Variants in PPP2R5C observed in about 807,000 individuals in gnomAD.
PPP2R5C encodes serine/threonine-protein phosphatase 2A 56 kDa regulatory subunit gamma isoform.
In PPP2R5C, 7 loss-of-function variants were observed where a neutral mutation model predicts 68.9. That is an observed-to-expected ratio of 0.10 (90% CI 0.06 to 0.19). PPP2R5C has a LOEUF of 0.19. PPP2R5C is among the 10% of genes least tolerant of loss of function. The pLI is 1.00. For missense variants in PPP2R5C, 348 were observed against 641.3 expected, an observed-to-expected ratio of 0.54 and a Z score of 4.94; for synonymous variants, 210 against 222.2, an observed-to-expected ratio of 0.95 and a Z score of 0.49.
chr14:101,811,711 A>G (rs1444037633), intron 1 of PPP2R5C, among the ~76,000 whole-genome samples: 1 of 152,238 alleles, frequency 6.6e-6, no homozygotes, highest in South Asian at 2.1e-4. Context: ...GTAAATTTTT[A>G]TACTTTTAAG....
chr14:101,796,805 T>C, intron 3 of PPP2R5C: 1 of 230,970 alleles, frequency 4.3e-6, no homozygotes, highest in South Asian at 5.1e-5. Flanking sequence ...AGAGACCACT[T>C]CTTGGACATT....
rs1307104780 is a variant in PPP2R5C, at chr14:101,796,028, GC to G, written c.259+9848del. Reference sequence around the variant, plus strand: ...AGTAGAGACGGGGTTCCACCATGTTGCCCAGGCTGGTCTCGAACTCCTGGGC... The same window carrying G: ...AGTAGAGACGGGGTTCCACCATGTTGCCAGGCTGGTCTCGAACTCCTGGGC... On this transcript the variant is annotated intron_variant, in intron 3 of 14. Transcript: ENST00000328724. Among the ~76,000 whole-genome samples the G allele has an allele frequency of 2.0e-5, 3 of 152,016 alleles. No homozygotes were observed. The South Asian group carries it at 6.2e-4, about 32-fold the overall frequency.
rs760354413 is a variant in PPP2R5C at position 101,883,399 on chromosome 14, AC to A, written c.499-30del. On this transcript the variant is annotated intron_variant, in intron 4 of 13. Coordinates refer to ENST00000334743, the Ensembl canonical transcript of PPP2R5C. ...CTGAAAGCCCTGATGGAATGATGAC[AC>A]CCAGCCACTAAGTGTCTTTTTCTTC... The A allele has an allele frequency of 3.2e-5, 52 of 1,611,644 alleles. No homozygotes were observed. In the African/African-American group the frequency reaches 5.4e-4, roughly 17 times the overall value.
At chr14:101,859,914 C>CT (rs34361568) in intron 2 of PPP2R5C, among the ~76,000 whole-genome samples, 20,644 of 145,312 alleles carry the variant, frequency 0.14, 1,510 homozygotes, top group Middle Eastern at 0.2. Flanking sequence ...TTAATTTCCA[C>CT]TTTTTTTTTT....
At chr14:101,840,656 T>C (rs1451600308) in intron 1 of PPP2R5C, among the ~76,000 whole-genome samples, 1 of 152,114 alleles carries the variant, frequency 6.6e-6, no homozygotes, top group East Asian at 1.9e-4. Flanking sequence ...GGTACATCTG[T>C]AGTAATTGGA....
chr14:101,780,389 G>A (rs769090063), intron 2 of PPP2R5C, among the ~76,000 whole-genome samples: 2 of 152,102 alleles, frequency 1.3e-5, no homozygotes, highest in Admixed American at 6.5e-5. Context: ...GTTCCCATAC[G>A]TTTGAGAGAT....
At chr14:101,771,178 G>A (rs1486915721) in intron 2 of PPP2R5C, among the ~76,000 whole-genome samples, 6 of 150,344 alleles carry the variant, frequency 4.0e-5, no homozygotes, top group Non-Finnish European at 8.9e-5. Context: ...CTCCAGAAGG[G>A]GAAAAAAATG....
At position 101,815,183 on chromosome 14, in the gene PPP2R5C, G is replaced by A. The variant is rs117549893; in HGVS notation, c.94+5147G>A. Among the ~76,000 whole-genome samples the A allele has an allele frequency of 6.3e-3, 966 of 152,262 alleles. 8 individuals carry two copies. Among genetic ancestry groups the A allele is most frequent in the Non-Finnish European group, 8.7e-3 (594 of 68,004 alleles). ...TTGTCCCCCCGGGAGAAAAAAGGGAGCCTCTTGCCCAGGGCCACAGAGAAT... is the reference window on the plus strand; with the variant it reads ...TTGTCCCCCCGGGAGAAAAAAGGGAACCTCTTGCCCAGGGCCACAGAGAAT... On this transcript the variant is annotated intron_variant, in intron 1 of 13. Coordinates refer to ENST00000334743, the Ensembl canonical transcript of PPP2R5C.
chr14:101,887,087 T>C (rs2044576718), intron 5 of PPP2R5C, among the ~76,000 whole-genome samples: 1 of 152,244 alleles, frequency 6.6e-6, no homozygotes, highest in South Asian at 2.1e-4. Flanking sequence ...AAAAACATTT[T>C]GAACATATTT....
chr14:101,905,862 T>A (rs570028030), intron 9 of PPP2R5C, among the ~76,000 whole-genome samples: 1 of 152,052 alleles, frequency 6.6e-6, no homozygotes, highest in South Asian at 2.1e-4. Context: ...CTCCTCCCCA[T>A]TGAAGCCACC....
chr14:101,896,636 C>CAAA (rs34603513), intron 8 of PPP2R5C, among the ~76,000 whole-genome samples: 81 of 110,328 alleles, frequency 7.3e-4, no homozygotes, highest in South Asian at 2.4e-3. Flanking sequence ...ACCCTGTCTC[C>CAAA]AAAAAAAAAA....
chr14:101,816,910 AAT>A lies in PPP2R5C; in HGVS notation c.94+6883_94+6884del, dbSNP rs547641413. ...ATATATATTATATAAATATATATAT[AAT>A]ATATATATTTATATAATATATATAA... On this transcript the variant is annotated intron_variant, in intron 1 of 13. Transcript: ENST00000334743. Among the ~76,000 whole-genome samples the A allele has an allele frequency of 1.1e-3, 156 of 138,950 alleles. 2 individuals carry two copies. The highest frequency in any genetic ancestry group is 1.9e-3 in the Non-Finnish European group (127 of 65,578). The allele number at this position is 138,950 out of a possible 152,430, so 91.2% of individuals were successfully genotyped here.
intron 2 of PPP2R5C, among the ~76,000 whole-genome samples, chr14:101,869,916 T>C (rs918518663): frequency 6.6e-6 from 1 of 152,168 alleles, no homozygotes; most frequent in Non-Finnish European, 1.5e-5. Context: ...CCTATGAAGG[T>C]GCTGGGATTC....
chr14:101,893,348 A>G (rs769127326), intron 7 of PPP2R5C, among the ~76,000 whole-genome samples: 11 of 152,166 alleles, frequency 7.2e-5, no homozygotes, highest in Admixed American at 3.3e-4. Context: ...GAAAGGAGTA[A>G]CTCTCTGAAA....
exon 14 of PPP2R5C, chr14:101,925,467 G>C: frequency 1.0e-6 from 1 of 969,696 alleles, no homozygotes; most frequent in Non-Finnish European, 1.4e-6. Context: ...CCCGCTGGCA[G>C]AGCCGCGGGT....
chr14:101,838,597 C>G (rs1344264069), intron 1 of PPP2R5C, among the ~76,000 whole-genome samples: 1 of 152,254 alleles, frequency 6.6e-6, no homozygotes, highest in East Asian at 1.9e-4. Context: ...TCTTGTCCCC[C>G]TCGCCCCAGG....
At chr14:101,794,914 C>A (rs1156697522) in intron 3 of PPP2R5C, among the ~76,000 whole-genome samples, 1 of 152,174 alleles carries the variant, frequency 6.6e-6, no homozygotes, top group Non-Finnish European at 1.5e-5. Context: ...ATTAGAGCAT[C>A]TGCACATAAT....
At chr14:101,866,981 C>T in intron 2 of PPP2R5C, among the ~76,000 whole-genome samples, 1 of 152,132 alleles carries the variant, frequency 6.6e-6, no homozygotes, top group East Asian at 1.9e-4. Context: ...CTTTGGGAGG[C>T]TGAAGCGGAC....
chr14:101,826,033 A>G (rs982427257), intron 1 of PPP2R5C, among the ~76,000 whole-genome samples: 1 of 152,250 alleles, frequency 6.6e-6, no homozygotes, highest in Non-Finnish European at 1.5e-5. Context: ...CAAAGTCTTT[A>G]TGTACTCCGA....
Sources: gnomAD v4.1 joint callset for allele counts (sites outside exome capture counted in the v4.1 genomes callset) on GRCh38, gnomAD v4.1.1 for gene constraint, MANE v1.5 for transcripts, NCBI Gene and HGNC (gene_info 2026-07-23, HGNC 2026-07-21) for gene names.